The following C6orf58 variants were observed in gnomAD, a reference collection of about 807,000 sequenced individuals.
C6orf58 encodes the protein chromosome 6 open reading frame 58.
Under a neutral mutation model 37.0 loss-of-function variants are expected in C6orf58, and 30 were observed. The ratio of observed to expected loss-of-function variants is 0.81; its 90% CI spans 0.61 to 1.10. The LOEUF (loss-of-function observed/expected upper bound fraction) is 1.10. Ranked by LOEUF, C6orf58 falls within the 50% of genes least tolerant of loss-of-function variation. The pLI is 0.00. For missense variants in C6orf58, 368 were observed against 387.5 expected, an observed-to-expected ratio of 0.95 and a Z score of 0.42; for synonymous variants, 143 against 134.1, an observed-to-expected ratio of 1.07 and a Z score of -0.46.
intron 4 of C6orf58, among the ~76,000 whole-genome samples, chr6:127,587,798 A>C (rs895285893): frequency 2.0e-5 from 3 of 152,252 alleles, no homozygotes; most frequent in Non-Finnish European, 4.4e-5. Flanking sequence ...AGAAATCCAT[A>C]GGTTATGCTT....
At chr6:127,586,292 G>A (rs144723140) in intron 4 of C6orf58, among the ~76,000 whole-genome samples, 3 of 152,260 alleles carry the variant, frequency 2.0e-5, no homozygotes, top group Admixed American at 6.5e-5. Context: ...GCACACAGAC[G>A]CTTCGAAGGG....
In C6orf58 at chr6:127,581,281, A is replaced by AG. The variant is rs752843391; in HGVS notation, c.674+1dup. The AG allele has an allele frequency of 2.1e-5, 30 of 1,433,320 alleles. No homozygotes were observed. Among genetic ancestry groups the AG allele is most frequent in the Non-Finnish European group, 2.6e-5 (27 of 1,051,626 alleles). 88.8% of individuals were successfully genotyped at this position (1,433,320 alleles called of 1,614,324 possible). ...AGATAATATCAAAAGTTTTGAAGAC[A>AG]GGTAAGAATGAATCTTTAAAGTATC... On this transcript the variant is annotated frameshift_variant and splice_region_variant, in exon 4 of 6. Transcript: ENST00000329722. LOFTEE classifies it high-confidence loss of function.
intron 3 of C6orf58, 46 bp from the exon 4 acceptor site, chr6:127,581,136 T>C: frequency 1.1e-6 from 1 of 880,762 alleles, no homozygotes; most frequent in Non-Finnish European, 1.7e-6. Context: ...GGGAGAAGGA[T>C]TTTATAGTTG....
chr6:127,588,001 T>A (rs1775123587), intron 4 of C6orf58, among the ~76,000 whole-genome samples: 1 of 152,206 alleles, frequency 6.6e-6, no homozygotes, highest in Non-Finnish European at 1.5e-5. Context: ...CAACAATCAC[T>A]AAACCTCAGT....
chr6:127,591,524 C>A lies in C6orf58; in HGVS notation c.914-19C>A. ...AAATTTGCAAGAGTTTACATGTAAT[C>A]ATTTTGTATCTTTTACAGGTTATCT... is the stretch of plus-strand genomic sequence containing the variant. On this transcript the variant is annotated intron_variant, in intron 5 of 5. Coordinates refer to ENST00000329722, the MANE Select transcript of C6orf58 (RefSeq NM_001010905.3). 2.0e-6 allele frequency: 3 copies of A among 1,507,330 alleles called. No homozygotes were observed. In the South Asian group the frequency reaches 4.2e-5, roughly 21 times the overall value. The allele number at this position is 1,507,330 out of a possible 1,614,324, so 93.4% of individuals were successfully genotyped here. A position where few individuals can be genotyped will look rare whatever the true frequency, so the allele number is the denominator to read the frequency against.
Position 127,590,098 on chromosome 6 carries a change from A to G in C6orf58, c.686A>G (p.Tyr229Cys). The G allele has an allele frequency of 6.2e-7, 1 of 1,609,364 alleles. No homozygotes were observed. The highest frequency in any genetic ancestry group is 1.3e-5 in the African/African-American group (1 of 74,922). ...IKSFEDRYDYYSKAEAHFERS... is the reference protein window; with the variant it reads ...IKSFEDRYDYCSKAEAHFERS... ...CGTTTGTCTTTTAGATATGATTATTATTCTAAAGCAGAAGCGCATTTTGAG... is the reference window on the plus strand; with the variant it reads ...CGTTTGTCTTTTAGATATGATTATTGTTCTAAAGCAGAAGCGCATTTTGAG... Residue 229 changes from tyrosine to cysteine, a missense_variant, in exon 5 of 6, where the codon TAT (tyrosine) becomes TGT (cysteine). Physicochemically the swap from Tyr to Cys is radical, Grantham distance 194. Coordinates refer to ENST00000329722, the MANE Select transcript of C6orf58 (RefSeq NM_001010905.3).
intron 4 of C6orf58, among the ~76,000 whole-genome samples, chr6:127,586,633 A>G (rs1168643840): frequency 6.6e-6 from 1 of 152,168 alleles, no homozygotes; most frequent in African/African-American, 2.4e-5. Flanking sequence ...TCTCAACACT[A>G]TGGTTCCAAT....
At chr6:127,581,910 C>T (rs146098826) in intron 4 of C6orf58, among the ~76,000 whole-genome samples, 24 of 152,276 alleles carry the variant, frequency 1.6e-4, no homozygotes, top group East Asian at 1.2e-3. Flanking sequence ...GGCTGAGACC[C>T]ATATTTGTTA....
intron 3 of C6orf58, 74 bp from the exon 4 acceptor site, chr6:127,581,108 G>T: frequency 1.6e-6 from 1 of 640,988 alleles, no homozygotes; most frequent in South Asian, 3.2e-5. Flanking sequence ...AAATATATCT[G>T]AACATGACTA....
At position 127,579,899 on chromosome 6, in the gene C6orf58, TAAA is replaced by T. The variant is rs374385430; in HGVS notation, c.389-364_389-362del. Among the ~76,000 whole-genome samples the T allele has an allele frequency of 5.3e-4, 81 of 152,198 alleles. 2 individuals carry two copies. The South Asian group carries it at 0.017, about 31-fold the overall frequency. The stretch of plus-strand genomic sequence containing the variant: ...AGAAAAATACAAGTACAATTCACAA[TAAA>T]ACCGTAATGAGAGGTTTTGTACCAT... On this transcript the variant is annotated intron_variant, in intron 2 of 5. Transcript: ENST00000329722.
chr6:127,588,947 T>C (rs1775133547), intron 4 of C6orf58, among the ~76,000 whole-genome samples: 1 of 152,180 alleles, frequency 6.6e-6, no homozygotes, highest in Non-Finnish European at 1.5e-5. Context: ...ACAATCCAAC[T>C]CTGCCCACCC....
intron 4 of C6orf58, 141 bp from the exon 5 acceptor site, chr6:127,589,945 TC>T (rs1309416992): frequency 1.6e-6 from 1 of 627,498 alleles, no homozygotes; most frequent in African/African-American, 1.8e-5. Flanking sequence ...TGGAATAAAG[TC>T]ATCACAATAT....
At chr6:127,584,982 C>T (rs1775092350) in intron 4 of C6orf58, among the ~76,000 whole-genome samples, 1 of 152,070 alleles carries the variant, frequency 6.6e-6, no homozygotes, top group African/African-American at 2.4e-5. Context: ...AATTCTTGTT[C>T]TACTTGATGT....
intron 4 of C6orf58, among the ~76,000 whole-genome samples, chr6:127,581,972 TTGC>T (rs1775055055): frequency 6.6e-6 from 1 of 152,200 alleles, no homozygotes; most frequent in Non-Finnish European, 1.5e-5. Context: ...CTACATTAAG[TTGC>T]AGTTTGCTAC....
chr6:127,577,567 C>G, intron 1 of C6orf58, 81 bp downstream of exon 1: 1 of 1,162,056 alleles, frequency 8.6e-7, no homozygotes, highest in Non-Finnish European at 1.2e-6. Flanking sequence ...CTGTATATAC[C>G]CTACTATGTT....
At chr6:127,584,293 C>T (rs1775082398) in intron 4 of C6orf58, among the ~76,000 whole-genome samples, 1 of 152,152 alleles carries the variant, frequency 6.6e-6, no homozygotes, top group Non-Finnish European at 1.5e-5. Context: ...GCCTTACCAG[C>T]ATTATCAGTT....
rs563061296 is a variant in C6orf58 at position 127,577,698 on chromosome 6, A to ATGAG, written c.301+213_301+216dup. On this transcript the variant is annotated intron_variant, in intron 1 of 5. Transcript: ENST00000329722. ...TTGTGTGTTATTATTAGAAGCTTCAATGAGGCATAAGACATAGTTATCAAC... is the reference window on the plus strand; with the variant it reads ...TTGTGTGTTATTATTAGAAGCTTCAATGAGTGAGGCATAAGACATAGTTATCAAC... Among the ~76,000 whole-genome samples, 14 of 152,254 alleles carry ATGAG rather than the reference A, an allele frequency of 9.2e-5. No individual in the cohort carries two copies. The East Asian group carries it at 2.7e-3, about 29-fold the overall frequency.
At chr6:127,578,459 A>G (rs911314121) in intron 1 of C6orf58, among the ~76,000 whole-genome samples, 4 of 152,114 alleles carry the variant, frequency 2.6e-5, no homozygotes, top group African/African-American at 9.7e-5. Context: ...AGTAAATAAT[A>G]TTTAGGACCT....
Position 127,580,305 on chromosome 6 carries a change from G to A in C6orf58, c.429G>A (p.Ala143=), listed in dbSNP as rs760381981. The A allele has an allele frequency of 1.2e-5, 19 of 1,612,166 alleles. No homozygotes were observed. Among genetic ancestry groups the A allele is most frequent in the South Asian group, 4.4e-5 (4 of 90,928 alleles). The change falls in exon 3 of 6, where the codon GCG becomes GCA. Residue 143 remains alanine, a synonymous_variant. Coordinates refer to ENST00000329722, the MANE Select transcript of C6orf58 (RefSeq NM_001010905.3). ...TGTCTTCATTACCCTTTCTTGCTGC[G>A]GTTGATTCTGGTGTAATGGGGATAT... ...YFLSSLPFLA[A]VDSGVMGISS... is the part of the protein sequence containing the mutation.
Sources: allele counts gnomAD v4.1 joint callset (sites outside exome capture counted in the v4.1 genomes callset), GRCh38; gene constraint gnomAD v4.1.1; transcripts MANE v1.5; gene names NCBI Gene and HGNC (gene_info 2026-07-23, HGNC 2026-07-21).